ARAP2: variants seen among roughly 807,000 people sequenced by gnomAD.
ARAP2 encodes the protein arf-GAP with Rho-GAP domain, ANK repeat and PH domain-containing protein 2.
ARAP2 carries 148 observed loss-of-function variants against 194.5 expected under a neutral mutation model. That is an observed-to-expected ratio of 0.76 (90% CI 0.67 to 0.87). The LOEUF (loss-of-function observed/expected upper bound fraction) is 0.87, where lower values mean the gene tolerates loss of function less well. Among genes scored for constraint, ARAP2 ranks in the 40% least tolerant of loss-of-function variants. ARAP2 has a pLI of 0.00. For missense variants in ARAP2, 2,128 were observed against 1,989.7 expected, an observed-to-expected ratio of 1.07 and a Z score of -1.32; for synonymous variants, 695 against 683.5, an observed-to-expected ratio of 1.02 and a Z score of -0.26.
rs556968104 is a variant in ARAP2 at position 36,129,582 on chromosome 4, T to C, written c.3428-837A>G. On this transcript the variant is annotated intron_variant, in intron 20 of 32. Coordinates refer to ENST00000303965, the MANE Select transcript of ARAP2 (RefSeq NM_015230.4). ...CTGTAAATTCTTTTAACCCCCTAAC[T>C]TCCATGATATCATAATTTCATATCT... Among the ~76,000 whole-genome samples the C allele has an allele frequency of 7.9e-5, 12 of 151,954 alleles. No individual in the cohort carries two copies. In the South Asian group the frequency reaches 2.5e-3, roughly 32 times the overall value.
At chr4:36,137,336 T>C (rs1189008306) in intron 19 of ARAP2, among the ~76,000 whole-genome samples, 1 of 151,858 alleles carries the variant, frequency 6.6e-6, no homozygotes. Flanking sequence ...GGTTAAGTGA[T>C]TTAGCTACAT....
At chr4:36,077,461 G>A (rs73123463) in intron 31 of ARAP2, among the ~76,000 whole-genome samples, 3,096 of 151,844 alleles carry the variant, frequency 0.02, 42 homozygotes, top group African/African-American at 0.035. Flanking sequence ...TAAACTTCTC[G>A]TGTGTGTCTG....
chr4:36,071,115 T>C (rs75582168), intron 32 of ARAP2, among the ~76,000 whole-genome samples: 2,144 of 152,324 alleles, frequency 0.014, 23 homozygotes, highest in Non-Finnish European at 0.02. Context: ...GCTGTTAAAA[T>C]AGCAATTTTG....
chr4:36,130,602 C>G (rs1328731419), intron 20 of ARAP2, among the ~76,000 whole-genome samples: 1 of 151,888 alleles, frequency 6.6e-6, no homozygotes, highest in Non-Finnish European at 1.5e-5. Flanking sequence ...CCATGGACAC[C>G]AGTAGCACCC....
chr4:36,112,268 A>T (rs1487867746), intron 26 of ARAP2, among the ~76,000 whole-genome samples: 1 of 151,970 alleles, frequency 6.6e-6, no homozygotes, highest in Admixed American at 6.6e-5. Flanking sequence ...CCCTAAAAAA[A>T]GTATAGTCTA....
intron 19 of ARAP2, among the ~76,000 whole-genome samples, chr4:36,140,983 CATA>C (rs1209722539): frequency 6.6e-6 from 1 of 151,550 alleles, no homozygotes; most frequent in Non-Finnish European, 1.5e-5. Flanking sequence ...TCAACAAAAG[CATA>C]ATAAGTGTCT....
rs780176087 is a variant in ARAP2, at chr4:36,193,607, G to C, written c.1528C>G (p.Leu510Val). ...TCATTATTGTAGTAAGAAATGCTAA[G>C]GCCATCAAATTTCACCCATCTCTTT... ...FQKRWVKFDG[L>V]SISYYNNEKE... Residue 510 changes from leucine (L) to valine (V), a missense_variant, in exon 7 of 33, where the codon CTT becomes GTT. Physicochemically the swap from Leu to Val is conservative, Grantham distance 32. Coordinates refer to ENST00000303965, the MANE Select transcript of ARAP2 (RefSeq NM_015230.4). 6.3e-7 allele frequency: 1 copy of C among 1,597,694 alleles called. No homozygotes were observed.
At chr4:36,106,885 C>T (rs1718550712) in intron 27 of ARAP2, among the ~76,000 whole-genome samples, 1 of 151,764 alleles carries the variant, frequency 6.6e-6, no homozygotes, top group Admixed American at 6.6e-5. Flanking sequence ...AATTTCAATC[C>T]TTAGCTTATT....
At chr4:36,153,002 G>A (rs1731373795) in intron 15 of ARAP2, among the ~76,000 whole-genome samples, 1 of 152,320 alleles carries the variant, frequency 6.6e-6, no homozygotes, top group South Asian at 2.1e-4. Context: ...TAAACAAACA[G>A]TGCCAAATGA....
chr4:36,238,012 T>C (rs1560745264), intron 1 of ARAP2, among the ~76,000 whole-genome samples: 1 of 152,208 alleles, frequency 6.6e-6, no homozygotes, highest in Non-Finnish European at 1.5e-5. Context: ...GCTAACTTAT[T>C]TTTCTAGTCT....
chr4:36,009,796 C>CTT (rs33934370), intron 9 of ARAP2, among the ~76,000 whole-genome samples: 1 of 150,024 alleles, frequency 6.7e-6, no homozygotes, highest in African/African-American at 2.5e-5. Context: ...GAAAAAGGAA[C>CTT]TCTTCCCAGA....
chr4:36,042,840 T>TTTC (rs5857467), intron 5 of ARAP2, among the ~76,000 whole-genome samples: 106,073 of 145,560 alleles, frequency 0.73, 38,864 homozygotes, highest in Middle Eastern at 0.84. Flanking sequence ...AATGCGTTTT[T>TTTC]TTCTTCTTTT....
chr4:36,096,596 C>T (rs1016488593), intron 27 of ARAP2, among the ~76,000 whole-genome samples: 2 of 152,024 alleles, frequency 1.3e-5, no homozygotes, highest in African/African-American at 4.8e-5. Context: ...CTGATCCTAA[C>T]CATGAATAAA....
intron 7 of ARAP2, among the ~76,000 whole-genome samples, chr4:36,187,831 C>T (rs928051432): frequency 6.6e-6 from 1 of 152,200 alleles, no homozygotes; most frequent in African/African-American, 2.4e-5. Flanking sequence ...CAAATACAAA[C>T]AATCCTACTA....
chr4:36,021,399 T>C (rs546933290), intron 5 of ARAP2, among the ~76,000 whole-genome samples: 12 of 152,354 alleles, frequency 7.9e-5, no homozygotes, highest in African/African-American at 2.4e-4. Flanking sequence ...TGGGAGGTGA[T>C]TGAATCACGG....
intron 28 of ARAP2, among the ~76,000 whole-genome samples, chr4:36,091,111 T>C (rs1713513432): frequency 6.6e-6 from 1 of 152,162 alleles, no homozygotes; most frequent in African/African-American, 2.4e-5. Context: ...AAAGTGAACA[T>C]ACTGGTGTAA....
In ARAP2 at chr4:36,161,827, G is replaced by A. The variant is rs535993763; in HGVS notation, c.2174-277C>T. ...AAAAAAAAAAAAAAAAAAACTACAC[G>A]GCCTGGCGCGGTGGCTCACGCCTGT... On this transcript the variant is annotated intron_variant, in intron 11 of 32. Coordinates refer to ENST00000303965, the MANE Select transcript of ARAP2 (RefSeq NM_015230.4). 5.6e-4 allele frequency among the ~76,000 whole-genome samples: 83 copies of A among 147,700 alleles called. 2 individuals carry two copies. Among genetic ancestry groups the A allele is most frequent in the African/African-American group, 1.9e-3 (75 of 39,938 alleles).
chr4:36,027,088 T>C (rs533091487), intron 5 of ARAP2, among the ~76,000 whole-genome samples: 12 of 152,212 alleles, frequency 7.9e-5, no homozygotes, highest in Non-Finnish European at 1.8e-4. Context: ...TTCTTTTAAA[T>C]CTTTTGCAAG....
intron 27 of ARAP2, among the ~76,000 whole-genome samples, chr4:36,099,214 C>T (rs919983000): frequency 2.6e-5 from 4 of 152,058 alleles, no homozygotes; most frequent in African/African-American, 9.7e-5. Flanking sequence ...CCATCTGTGT[C>T]CCTGCTATGG....
Sources: allele counts gnomAD v4.1 joint callset (sites outside exome capture counted in the v4.1 genomes callset), GRCh38; gene constraint gnomAD v4.1.1; transcripts MANE v1.5; gene names NCBI Gene and HGNC (gene_info 2026-07-23, HGNC 2026-07-21).